Variants in ZFPM2 observed in about 807,000 individuals in gnomAD.
ZFPM2 encodes the protein zinc finger protein, FOG family member 2.
ZFPM2 carries 20 observed loss-of-function variants against 98.6 expected under a neutral mutation model. The ratio of observed to expected loss-of-function variants is 0.20; its 90% confidence interval spans 0.14 to 0.29. The LOEUF is 0.29. Among genes scored for constraint, ZFPM2 ranks in the 10% least tolerant of loss-of-function variants. The probability of loss-of-function intolerance (pLI) is 1.00; values close to 1 mark genes in which losing one functional copy is unlikely to be tolerated. For missense variants in ZFPM2, 1,310 were observed against 1,388.6 expected (o/e 0.94, Z 0.90); for synonymous variants, 518 against 502.7 (o/e 1.03, Z -0.41).
At chr8:105,515,126 T>C (rs1445888177) in intron 3 of ZFPM2, among the ~76,000 whole-genome samples, 1 of 152,238 alleles carries the variant, frequency 6.6e-6, no homozygotes, top group Non-Finnish European at 1.5e-5. Flanking sequence ...TCTCTTGAAC[T>C]TTCTGTTACA....
intron 3 of ZFPM2, among the ~76,000 whole-genome samples, chr8:105,536,343 GAA>G (rs1225046797): frequency 6.6e-6 from 1 of 151,778 alleles, no homozygotes; most frequent in Non-Finnish European, 1.5e-5. Context: ...ATATATTAAG[GAA>G]AAGAGACTCG....
intron 5 of ZFPM2, among the ~76,000 whole-genome samples, chr8:105,637,004 G>A (rs1816859063): frequency 6.6e-6 from 1 of 152,184 alleles, no homozygotes; most frequent in Non-Finnish European, 1.5e-5. Flanking sequence ...TGGCTAATAA[G>A]TGATTGAGTG....
intron 5 of ZFPM2, among the ~76,000 whole-genome samples, chr8:105,686,608 T>G (rs1810741876): frequency 6.6e-6 from 1 of 152,148 alleles, no homozygotes; most frequent in African/African-American, 2.4e-5. Flanking sequence ...TTTTGCATGC[T>G]TAGGTCTCCC....
chr8:105,541,500 T>G (rs1814574424), intron 3 of ZFPM2, among the ~76,000 whole-genome samples: 1 of 152,176 alleles, frequency 6.6e-6, no homozygotes, highest in African/African-American at 2.4e-5. Context: ...CTTGACTTAT[T>G]GAACAGAGTT....
intron 5 of ZFPM2, among the ~76,000 whole-genome samples, chr8:105,747,828 A>T (rs1441817494): frequency 1.3e-5 from 2 of 152,102 alleles, no homozygotes; most frequent in African/African-American, 2.4e-5. Context: ...TTAGTATTGC[A>T]TAGTAGCAAA....
intron 5 of ZFPM2, among the ~76,000 whole-genome samples, chr8:105,742,763 G>GT: frequency 6.6e-6 from 1 of 151,986 alleles, no homozygotes; most frequent in Admixed American, 6.6e-5. Context: ...GTGGTGGCAG[G>GT]TTGCCTGTGA....
chr8:105,363,700 T>C (rs1177947217), intron 1 of ZFPM2, among the ~76,000 whole-genome samples: 1 of 152,034 alleles, frequency 6.6e-6, no homozygotes. Context: ...TAATAAATGA[T>C]ATGTATTCCT....
intron 4 of ZFPM2, among the ~76,000 whole-genome samples, chr8:105,574,177 G>A (rs1211371427): frequency 1.3e-5 from 2 of 152,046 alleles, no homozygotes; most frequent in African/African-American, 4.8e-5. Context: ...CTTCATATAC[G>A]TGTACTCACA....
At chr8:105,793,962 C>T (rs1813708521) in intron 6 of ZFPM2, among the ~76,000 whole-genome samples, 1 of 152,106 alleles carries the variant, frequency 6.6e-6, no homozygotes, top group Non-Finnish European at 1.5e-5. Context: ...ATTGGTTATT[C>T]TAGTTATACA....
intron 5 of ZFPM2, among the ~76,000 whole-genome samples, chr8:105,747,446 G>A (rs959852460): frequency 3.9e-5 from 6 of 152,004 alleles, no homozygotes; most frequent in African/African-American, 1.4e-4. Flanking sequence ...TCTGAGTTAA[G>A]TTTTACCATT....
At chr8:105,470,388 G>T (rs1230663654) in intron 3 of ZFPM2, among the ~76,000 whole-genome samples, 1 of 152,144 alleles carries the variant, frequency 6.6e-6, no homozygotes, top group Non-Finnish European at 1.5e-5. Context: ...ACCTTATAGG[G>T]TTACTAGGAA....
intron 4 of ZFPM2, among the ~76,000 whole-genome samples, chr8:105,606,309 T>A (rs1450344665): frequency 6.6e-6 from 1 of 152,088 alleles, no homozygotes; most frequent in African/African-American, 2.4e-5. Context: ...GTTGATTATA[T>A]GCTGCATTTC....
At chr8:105,398,752 A>G (rs1024766842) in intron 1 of ZFPM2, among the ~76,000 whole-genome samples, 3 of 152,142 alleles carry the variant, frequency 2.0e-5, no homozygotes, top group Non-Finnish European at 2.9e-5. Flanking sequence ...TACAACTGTT[A>G]TATATGTATA....
chr8:105,672,490 T>C (rs1817614604), intron 5 of ZFPM2, among the ~76,000 whole-genome samples: 1 of 152,130 alleles, frequency 6.6e-6, no homozygotes, highest in South Asian at 2.1e-4. Context: ...ACTATAATTG[T>C]GAGTGAAATT....
At chr8:105,679,711 C>A (rs1372666528) in intron 5 of ZFPM2, among the ~76,000 whole-genome samples, 1 of 150,742 alleles carries the variant, frequency 6.6e-6, no homozygotes, top group Non-Finnish European at 1.5e-5. Context: ...GTGTGGGGAT[C>A]ACTTGAGCCT....
At chr8:105,617,724 A>G (rs1328340708) in intron 4 of ZFPM2, among the ~76,000 whole-genome samples, 1 of 152,194 alleles carries the variant, frequency 6.6e-6, no homozygotes, top group African/African-American at 2.4e-5. Context: ...TTGTGCAATC[A>G]GTGCTGAATT....
intron 1 of ZFPM2, among the ~76,000 whole-genome samples, chr8:105,335,414 G>A (rs904901237): frequency 3.3e-5 from 5 of 151,750 alleles, no homozygotes; most frequent in African/African-American, 1.2e-4. Flanking sequence ...GCTACAAGGT[G>A]TATGCTACTG....
At chr8:105,775,786 C>T (rs1224987442) in intron 5 of ZFPM2, among the ~76,000 whole-genome samples, 1 of 152,110 alleles carries the variant, frequency 6.6e-6, no homozygotes, top group East Asian at 1.9e-4. Context: ...AGGGCACAAA[C>T]CCCAGAATGC....
chr8:105,393,337 C>CTGTCTGTCTGTCTTTCTTTCTTT (rs1554600680), intron 1 of ZFPM2, among the ~76,000 whole-genome samples: 12 of 114,776 alleles, frequency 1.0e-4, no homozygotes, highest in African/African-American at 3.8e-4. Flanking sequence ...TCTCTCTTTG[C>CTGTCTGTCTGTCTTTCTTTCTTT]CTTTCTTTCT....
Sources: allele counts gnomAD v4.1 joint callset (sites outside exome capture counted in the v4.1 genomes callset), GRCh38; gene constraint gnomAD v4.1.1; transcripts MANE v1.5; gene names NCBI Gene and HGNC (gene_info 2026-07-23, HGNC 2026-07-21).